TCF7L2: variants seen among roughly 807,000 people sequenced by gnomAD.
The protein encoded by TCF7L2 is transcription factor 7-like 2.
TCF7L2 carries 23 observed loss-of-function variants against 77.9 expected under a neutral mutation model. The ratio of observed to expected loss-of-function variants is 0.30; its 90% CI spans 0.21 to 0.42. The LOEUF is 0.42. TCF7L2 is among the 10% of genes least tolerant of loss of function. The probability of loss-of-function intolerance (pLI) is 1.00; values close to 1 mark genes in which losing one functional copy is unlikely to be tolerated. For synonymous variants in TCF7L2, 413 were observed against 340.2 expected, an observed-to-expected ratio of 1.21 and a Z score of -2.36; for missense variants, 654 against 793.1, an observed-to-expected ratio of 0.82 and a Z score of 2.11.
chr10:113,079,438 T>C (rs945556906), intron 5 of TCF7L2, among the ~76,000 whole-genome samples: 8 of 152,202 alleles, frequency 5.3e-5, no homozygotes, highest in Non-Finnish European at 1.2e-4. Flanking sequence ...GTTTTTGGCA[T>C]TTTAATGTCC....
chr10:113,038,449 GT>G (rs1439312118), intron 4 of TCF7L2, among the ~76,000 whole-genome samples: 1 of 152,174 alleles, frequency 6.6e-6, no homozygotes, highest in East Asian at 1.9e-4. Flanking sequence ...TTGGCAAGTA[GT>G]TCTTGGGCAA....
intron 5 of TCF7L2, among the ~76,000 whole-genome samples, chr10:113,096,311 GC>G (rs1282245939): frequency 6.6e-6 from 1 of 152,106 alleles, no homozygotes; most frequent in Non-Finnish European, 1.5e-5. Flanking sequence ...CCATATTTCA[GC>G]CCAGACTCTG....
At chr10:113,089,453 C>G in intron 5 of TCF7L2, 1 of 1,613,884 alleles carries the variant, frequency 6.2e-7, no homozygotes, top group Non-Finnish European at 8.5e-7. Context: ...TCTACCCCCC[C>G]TCAGACTTCA....
At chr10:113,012,427 G>A (rs1054090474) in intron 4 of TCF7L2, among the ~76,000 whole-genome samples, 1 of 152,140 alleles carries the variant, frequency 6.6e-6, no homozygotes, top group Admixed American at 6.5e-5. Context: ...CTCTGTGGTG[G>A]GTTCTAGGGG....
chr10:113,143,486 T>C (rs1469425183), intron 6 of TCF7L2, among the ~76,000 whole-genome samples: 5 of 152,190 alleles, frequency 3.3e-5, no homozygotes, highest in Non-Finnish European at 7.3e-5. Flanking sequence ...GCTCAAAAAG[T>C]GTGTTAGAAA....
At chr10:113,059,215 G>A (rs2055977430) in intron 5 of TCF7L2, among the ~76,000 whole-genome samples, 1 of 152,078 alleles carries the variant, frequency 6.6e-6, no homozygotes, top group African/African-American at 2.4e-5. Flanking sequence ...AATGTTTTCG[G>A]AGTGCCAGAG....
chr10:113,138,911 G>A (rs781085333), intron 5 of TCF7L2, among the ~76,000 whole-genome samples: 4 of 152,136 alleles, frequency 2.6e-5, no homozygotes, highest in Admixed American at 2.0e-4. Context: ...TGAGTGAAAA[G>A]CATCCCGGGA....
chr10:113,094,298 C>G (rs993786880), intron 5 of TCF7L2, among the ~76,000 whole-genome samples: 1 of 152,122 alleles, frequency 6.6e-6, no homozygotes, highest in Admixed American at 6.5e-5. Flanking sequence ...TATTTTATGT[C>G]TGATTTCTAA....
chr10:113,125,143 C>T, intron 5 of TCF7L2, among the ~76,000 whole-genome samples: 1 of 151,866 alleles, frequency 6.6e-6, no homozygotes, highest in East Asian at 1.9e-4. Flanking sequence ...ACTGTGCTGT[C>T]TTTCCTGAGC....
chr10:112,983,532 G>A lies in TCF7L2; in HGVS notation c.450+18908G>A, dbSNP rs532744919. Among the ~76,000 whole-genome samples, 222 of 152,226 alleles carry A rather than the reference G, an allele frequency of 1.5e-3. 1 individual carries two copies. Among genetic ancestry groups the A allele is most frequent in the Non-Finnish European group, 2.7e-3 (184 of 68,012 alleles). On this transcript the variant is annotated intron_variant, in intron 4 of 13. Coordinates refer to ENST00000627217, the MANE Select transcript of TCF7L2 (RefSeq NM_001146274.2). ...AAGTCATCCTTTTCAGTTCTCAAAT[G>A]GCAGAGGTCTGCATCCTGCCTTGCG...
At chr10:112,994,231 T>A (rs2043090090) in intron 4 of TCF7L2, among the ~76,000 whole-genome samples, 1 of 152,100 alleles carries the variant, frequency 6.6e-6, no homozygotes, top group South Asian at 2.1e-4. Context: ...CCCTTACCCA[T>A]TAGCAGTCAC....
chr10:113,161,273 C>T (rs1263206805), intron 13 of TCF7L2: 3 of 424,702 alleles, frequency 7.1e-6, no homozygotes, highest in Non-Finnish European at 8.4e-6. Context: ...ACGGCATGCA[C>T]CAGCTAAAGG....
chr10:113,140,850 G>A (rs1419556759), intron 5 of TCF7L2, among the ~76,000 whole-genome samples: 2 of 152,184 alleles, frequency 1.3e-5, no homozygotes, highest in East Asian at 3.9e-4. Context: ...AACGCAGTAG[G>A]CATGGGAGAT....
chr10:113,075,430 G>A (rs1466938482), intron 5 of TCF7L2, among the ~76,000 whole-genome samples: 1 of 151,370 alleles, frequency 6.6e-6, no homozygotes, highest in Non-Finnish European at 1.5e-5. Context: ...TTGCACTCCA[G>A]CCTGGGCGAC....
chr10:112,971,794 G>A (rs887937446), intron 4 of TCF7L2, among the ~76,000 whole-genome samples: 13 of 149,216 alleles, frequency 8.7e-5, no homozygotes, highest in African/African-American at 3.2e-4. Context: ...TGTATTTTTA[G>A]TAGAGACGAG....
At chr10:113,034,052 G>T (rs767570906) in intron 4 of TCF7L2, among the ~76,000 whole-genome samples, 1 of 152,144 alleles carries the variant, frequency 6.6e-6, no homozygotes, top group Non-Finnish European at 1.5e-5. Flanking sequence ...AAAATTATTT[G>T]TTTATAGAAG....
intron 4 of TCF7L2, among the ~76,000 whole-genome samples, chr10:113,015,729 G>A (rs537373684): frequency 6.3e-4 from 96 of 152,102 alleles, no homozygotes; most frequent in African/African-American, 2.1e-3. Flanking sequence ...AGATGCCAAA[G>A]GTTCACACCT....
intron 3 of TCF7L2, among the ~76,000 whole-genome samples, chr10:112,953,257 C>T (rs1160810162): frequency 6.6e-6 from 1 of 152,158 alleles, no homozygotes; most frequent in Non-Finnish European, 1.5e-5. Flanking sequence ...TATTCCCCCC[C>T]TGCCCGGCGC....
intron 5 of TCF7L2, among the ~76,000 whole-genome samples, chr10:113,049,208 C>T (rs1241474794): frequency 6.6e-6 from 1 of 152,028 alleles, no homozygotes; most frequent in Non-Finnish European, 1.5e-5. Context: ...CCCTGACTCT[C>T]TTCTGAGTGC....
Sources: gnomAD v4.1 joint callset for allele counts (sites outside exome capture counted in the v4.1 genomes callset) on GRCh38, gnomAD v4.1.1 for gene constraint, MANE v1.5 for transcripts, NCBI Gene and HGNC (gene_info 2026-07-23, HGNC 2026-07-21) for gene names.